Variants in FLI1 observed in about 807,000 individuals in gnomAD.
FLI1 encodes the protein Fli-1 proto-oncogene, ETS transcription factor.
In FLI1, 13 loss-of-function variants were observed where a neutral mutation model predicts 53.1. The ratio of observed to expected loss-of-function variants is 0.24; its 90% CI spans 0.16 to 0.39. The LOEUF (loss-of-function observed/expected upper bound fraction) is 0.39, where lower values mean the gene tolerates loss of function less well. Ranked by LOEUF, FLI1 falls within the 10% of genes least tolerant of loss-of-function variation. The pLI is 1.00. For synonymous variants in FLI1, 244 were observed against 236.7 expected, an observed-to-expected ratio of 1.03 and a Z score of -0.28; for missense variants, 424 against 600.5, an observed-to-expected ratio of 0.71 and a Z score of 3.07.
intron 1 of FLI1, among the ~76,000 whole-genome samples, chr11:128,744,358 T>C (rs1250057134): frequency 3.3e-5 from 5 of 152,216 alleles, no homozygotes; most frequent in Admixed American, 2.6e-4. Flanking sequence ...AGTCCTTTTA[T>C]GTAGTAGGTA....
intron 4 of FLI1, among the ~76,000 whole-genome samples, chr11:128,777,839 C>CA (rs1941785540): frequency 7.9e-6 from 1 of 126,720 alleles, no homozygotes; most frequent in Non-Finnish European, 1.8e-5. Context: ...GGGACGCTTG[C>CA]GCCCCCTGGC....
At chr11:128,690,658 C>T (rs145325108), upstream of FLI1, among the ~76,000 whole-genome samples, 1 of 152,366 alleles carries the variant, frequency 6.6e-6, no homozygotes, top group African/African-American at 2.4e-5. Flanking sequence ...AATGAAAATG[C>T]TCCAAATCCA....
intron 3 of FLI1, among the ~76,000 whole-genome samples, chr11:128,770,377 G>A (rs2300591): frequency 0.094 from 14,358 of 152,244 alleles, 845 homozygotes; most frequent in Admixed American, 0.14. Context: ...TGGATATGAG[G>A]GGAAGTCTCA....
chr11:128,723,110 C>T (rs1762656336), intron 1 of FLI1, among the ~76,000 whole-genome samples: 1 of 152,160 alleles, frequency 6.6e-6, no homozygotes, highest in Admixed American at 6.5e-5. Flanking sequence ...CTGAAGGCTC[C>T]ACCTCCACGA....
At chr11:128,708,830 C>T (rs1159470264) in intron 1 of FLI1, among the ~76,000 whole-genome samples, 1 of 152,192 alleles carries the variant, frequency 6.6e-6, no homozygotes, top group East Asian at 1.9e-4. Context: ...AGCACCCGCC[C>T]CGTCTTTTTA....
Position 128,789,718 on chromosome 11 carries a change from G to C in FLI1, c.655+7695G>C, listed in dbSNP as rs141949506. Among the ~76,000 whole-genome samples the C allele has an allele frequency of 9.4e-4, 143 of 152,298 alleles. 2 individuals carry two copies. Among genetic ancestry groups the C allele is most frequent in the African/African-American group, 3.3e-3 (139 of 41,562 alleles). Reference sequence around the variant, plus strand: ...TGTGTGTCTGTGCAGGAGGGCGTGAGCTGGTGCTCAGTGTGGAGGTGGGCT... The same window carrying C: ...TGTGTGTCTGTGCAGGAGGGCGTGACCTGGTGCTCAGTGTGGAGGTGGGCT... On this transcript the variant is annotated intron_variant, in intron 5 of 8. Coordinates refer to ENST00000527786, the MANE Select transcript of FLI1 (RefSeq NM_002017.5).
intron 1 of FLI1, among the ~76,000 whole-genome samples, chr11:128,732,719 G>C (rs752215501): frequency 6.6e-6 from 1 of 152,146 alleles, no homozygotes; most frequent in Non-Finnish European, 1.5e-5. Flanking sequence ...AATATGCTTC[G>C]TTGCTTCCAA....
At chr11:128,690,204 T>C (rs1591720384), upstream of FLI1, among the ~76,000 whole-genome samples, 1 of 152,062 alleles carries the variant, frequency 6.6e-6, no homozygotes, top group East Asian at 2.0e-4. Flanking sequence ...AGTCTGGAGT[T>C]TTGGCGCTTG....
chr11:128,713,427 C>T (rs1938870431), intron 1 of FLI1, among the ~76,000 whole-genome samples: 1 of 152,052 alleles, frequency 6.6e-6, no homozygotes, highest in Admixed American at 6.6e-5. Flanking sequence ...GTATAGAATA[C>T]AATTCTGTGA....
chr11:128,734,706 G>A lies in FLI1; in HGVS notation c.19-23409G>A, dbSNP rs1416276886. ...CTTGGGCATACTGTCACTGAGGGAA[G>A]TGTGCAGTTTTAAAATGTCAAAGCC... On this transcript the variant is annotated intron_variant, in intron 1 of 8. Coordinates refer to ENST00000527786, the MANE Select transcript of FLI1 (RefSeq NM_002017.5). Among the ~76,000 whole-genome samples, 3 of 152,158 alleles carry A rather than the reference G, an allele frequency of 2.0e-5. No individual in the cohort carries two copies. The East Asian group carries it at 5.8e-4, about 29-fold the overall frequency.
At chr11:128,789,834 C>A (rs1942213161) in intron 5 of FLI1, among the ~76,000 whole-genome samples, 1 of 152,178 alleles carries the variant, frequency 6.6e-6, no homozygotes, top group Non-Finnish European at 1.5e-5. Context: ...GTGAGGTAAT[C>A]TCCTGTTATT....
intron 8 of FLI1, 61 bp downstream of exon 8, chr11:128,809,265 A>G (rs1414116329): frequency 2.1e-6 from 3 of 1,432,438 alleles, no homozygotes; most frequent in Non-Finnish European, 3.0e-6. Context: ...TTGTGAAATC[A>G]CAGAGACTTC....
chr11:128,687,357 T>C (rs1234166961), intron 1 of FLI1, among the ~76,000 whole-genome samples: 1 of 152,102 alleles, frequency 6.6e-6, no homozygotes, highest in African/African-American at 2.4e-5. Context: ...GAAAATCCGC[T>C]GGCTGGGTGG....
intron 1 of FLI1, among the ~76,000 whole-genome samples, chr11:128,728,767 C>A (rs1222213417): frequency 2.0e-5 from 3 of 152,254 alleles, no homozygotes; most frequent in Non-Finnish European, 4.4e-5. Flanking sequence ...GGCATCCCAG[C>A]TGTACCTGAG....
At chr11:128,782,557 G>A (rs1435488532) in intron 5 of FLI1, among the ~76,000 whole-genome samples, 1 of 152,130 alleles carries the variant, frequency 6.6e-6, no homozygotes, top group African/African-American at 2.4e-5. Context: ...AATTAGCCAG[G>A]TGTGGTGGCA....
chr11:128,801,238 C>T (rs989116612), intron 5 of FLI1, among the ~76,000 whole-genome samples: 8 of 152,168 alleles, frequency 5.3e-5, no homozygotes, highest in African/African-American at 1.9e-4. Context: ...GACGGAGAGT[C>T]GGGGCAGGAG....
At chr11:128,694,334 G>T (rs1322700028) in intron 1 of FLI1, 58 bp downstream of exon 1, 1 of 1,270,806 alleles carries the variant, frequency 7.9e-7, no homozygotes, top group Non-Finnish European at 1.0e-6. Context: ...GCGAAGCGGC[G>T]GGCGGGTAGG....
chr11:128,780,322 T>C (rs1309250205), intron 4 of FLI1, among the ~76,000 whole-genome samples: 1 of 152,224 alleles, frequency 6.6e-6, no homozygotes, highest in Non-Finnish European at 1.5e-5. Flanking sequence ...ACAATTCTTA[T>C]AAAATTCTCT....
upstream of FLI1, chr11:128,692,082 T>C (rs909129042): frequency 6.6e-6 from 1 of 152,144 alleles, no homozygotes; most frequent in African/African-American, 2.4e-5. Context: ...CGCATTCTCC[T>C]GAAAGCTCTG....
Sources: allele counts gnomAD v4.1 joint callset (sites outside exome capture counted in the v4.1 genomes callset), GRCh38; gene constraint gnomAD v4.1.1; transcripts MANE v1.5; gene names NCBI Gene and HGNC (gene_info 2026-07-23, HGNC 2026-07-21).